ATL2: variants seen among roughly 807,000 people sequenced by gnomAD.
ATL2 encodes the protein atlastin GTPase 2, also known as atlastin-2.
A neutral mutation model predicts 73.9 loss-of-function variants in ATL2; 31 were observed. The ratio of observed to expected loss-of-function variants is 0.42; its 90% confidence interval spans 0.32 to 0.57. The LOEUF (loss-of-function observed/expected upper bound fraction) is 0.57, where lower values mean the gene tolerates loss of function less well. ATL2 is among the 20% of genes least tolerant of loss of function. ATL2 has a pLI of 0.14. For synonymous variants in ATL2, 291 were observed against 237.5 expected (o/e 1.23, Z -2.07); for missense variants, 738 against 702.6 (o/e 1.05, Z -0.57).
chr2:38,331,469 G>A (rs1281382646), intron 2 of ATL2, among the ~76,000 whole-genome samples: 4 of 147,434 alleles, frequency 2.7e-5, no homozygotes, highest in Admixed American at 2.7e-4. Context: ...AATTAGCCGG[G>A]CATGGCAGCG....
Position 38,324,346 on chromosome 2 carries a change from C to T in ATL2, c.364-5327G>A, listed in dbSNP as rs188446637. On this transcript the variant is annotated intron_variant, in intron 2 of 12. Transcript: ENST00000378954. ...CTCCCTAGTTGCATGACATTCCCCA[C>T]ACCACCACAAATGAAAATCTTCATG... Among the ~76,000 whole-genome samples the T allele has an allele frequency of 5.3e-5, 8 of 152,334 alleles. 1 individual carries two copies. The East Asian group carries it at 1.5e-3, about 29-fold the overall frequency.
chr2:38,312,266 G>A (rs1188749169), intron 7 of ATL2, among the ~76,000 whole-genome samples: 1 of 152,158 alleles, frequency 6.6e-6, no homozygotes, highest in Non-Finnish European at 1.5e-5. Context: ...ATGCCCATGT[G>A]TCGGGGGAGG....
intron 2 of ATL2, among the ~76,000 whole-genome samples, chr2:38,330,268 TA>T (rs200313640): frequency 7.0e-6 from 1 of 143,770 alleles, no homozygotes; most frequent in African/African-American, 2.6e-5. Flanking sequence ...AAACTTCAAT[TA>T]AAAAAAAATC....
At chr2:38,349,526 G>A (rs1019396892) in intron 1 of ATL2, among the ~76,000 whole-genome samples, 84 of 108,912 alleles carry the variant, frequency 7.7e-4, no homozygotes, top group African/African-American at 2.8e-3. Flanking sequence ...ACTGTTGTGG[G>A]GTGGGGGGAG....
intron 7 of ATL2, among the ~76,000 whole-genome samples, chr2:38,310,858 C>T (rs1055884753): frequency 6.6e-6 from 1 of 151,918 alleles, no homozygotes; most frequent in Non-Finnish European, 1.5e-5. Context: ...AACTTCCAAC[C>T]TCAGGTAATC....
At chr2:38,334,865 T>TATATA (rs1669217146) in intron 2 of ATL2, among the ~76,000 whole-genome samples, 1 of 136,040 alleles carries the variant, frequency 7.4e-6, no homozygotes, top group Non-Finnish European at 1.6e-5. Context: ...ATTTATATAT[T>TATATA]ATATAATATA....
intron 2 of ATL2, among the ~76,000 whole-genome samples, chr2:38,320,341 G>A (rs191085723): frequency 2.1e-4 from 32 of 152,264 alleles, no homozygotes; most frequent in Admixed American, 4.6e-4. Flanking sequence ...TCAAGTATCT[G>A]CAGTGAAAGG....
intron 2 of ATL2, among the ~76,000 whole-genome samples, chr2:38,323,140 G>A (rs755549537): frequency 2.6e-5 from 4 of 152,048 alleles, no homozygotes; most frequent in Non-Finnish European, 5.9e-5. Context: ...GCTGATAACA[G>A]ACCCTATTTG....
chr2:38,297,073 A>C (rs931335221), intron 12 of ATL2, among the ~76,000 whole-genome samples: 1 of 152,238 alleles, frequency 6.6e-6, no homozygotes, highest in African/African-American at 2.4e-5. Flanking sequence ...TTTAAATAGA[A>C]TAAATATCCA....
At chr2:38,352,648 G>A (rs1274342670) in intron 1 of ATL2, among the ~76,000 whole-genome samples, 6 of 152,208 alleles carry the variant, frequency 3.9e-5, no homozygotes, top group Non-Finnish European at 1.5e-5. Context: ...ACAGGGTTGA[G>A]AGAGAAACAG....
At chr2:38,305,249 C>T (rs1322152038) in intron 9 of ATL2, among the ~76,000 whole-genome samples, 7 of 152,148 alleles carry the variant, frequency 4.6e-5, no homozygotes, top group Non-Finnish European at 1.5e-5. Flanking sequence ...AGAAAGAGGA[C>T]CGGGCGCAGT....
At chr2:38,355,035 T>G (rs1360119990) in intron 1 of ATL2, among the ~76,000 whole-genome samples, 1 of 151,998 alleles carries the variant, frequency 6.6e-6, no homozygotes, top group Admixed American at 6.6e-5. Context: ...CCAACTAAAT[T>G]CAATAATTAC....
At chr2:38,319,765 A>T (rs981413244) in intron 2 of ATL2, among the ~76,000 whole-genome samples, 2 of 152,200 alleles carry the variant, frequency 1.3e-5, no homozygotes, top group Non-Finnish European at 2.9e-5. Context: ...GCTTTCTCAG[A>T]ATAGCTTACA....
At chr2:38,343,535 C>T in intron 1 of ATL2, 23 bp from the exon 2 acceptor site, 1 of 1,593,994 alleles carries the variant, frequency 6.3e-7, no homozygotes, top group South Asian at 1.1e-5. Context: ...AAGAAAGAAA[C>T]TGGTTACTTT....
In ATL2 at chr2:38,374,332, C is replaced by A. The variant is rs923807656; in HGVS notation, c.118+2811G>T. ...AAGTTCAGTTATTCTATGTTCACAT[C>A]TACATTCCTTAAAGTAAATAACTCT... On this transcript the variant is annotated intron_variant, in intron 1 of 12. Coordinates refer to ENST00000378954, the MANE Select transcript of ATL2 (RefSeq NM_001135673.4). Among the ~76,000 whole-genome samples, 4 of 151,470 alleles carry A rather than the reference C, an allele frequency of 2.6e-5. No homozygotes were observed. The South Asian group carries it at 8.3e-4, about 31-fold the overall frequency.
rs775089987 is a variant in ATL2 at position 38,298,558 on chromosome 2, C to T, written c.1218G>A (p.Lys406=). 16 of 1,613,732 alleles carry T rather than the reference C, an allele frequency of 9.9e-6. No homozygotes were observed. The highest frequency in any genetic ancestry group is 1.7e-6 in the Non-Finnish European group (2 of 1,179,808). The change falls in exon 12 of 13, where the codon AAG becomes AAA. Residue 406 remains lysine, a synonymous_variant. Coordinates refer to ENST00000378954, the MANE Select transcript of ATL2 (RefSeq NM_001135673.4). ...KSMEQVCGGD[K]PYIAPSDLER... is the part of the protein sequence containing the mutation. ...CCAGATCTGAAGGTGCAATGTAAGG[C>T]TTGTCCCCTCCACATACCTGGACAG...
intron 5 of ATL2, 137 bp downstream of exon 5, chr2:38,315,147 A>T: frequency 1.2e-6 from 1 of 829,624 alleles, no homozygotes; most frequent in Non-Finnish European, 1.7e-6. Flanking sequence ...GCTACTTGGG[A>T]GGCTGAGGCA....
At chr2:38,305,141 A>G (rs1308949283) in intron 9 of ATL2, among the ~76,000 whole-genome samples, 18 of 152,252 alleles carry the variant, frequency 1.2e-4, no homozygotes, top group Admixed American at 1.2e-3. Context: ...TATAATGATA[A>G]AGGGATCAAT....
Position 38,298,579 on chromosome 2 carries a change from G to A in ATL2, c.1201-4C>T. 1 of 1,608,968 alleles carries A rather than the reference G, an allele frequency of 6.2e-7. No homozygotes were observed. Among genetic ancestry groups the A allele is most frequent in the South Asian group, 1.1e-5 (1 of 90,450 alleles). ...AAGGCTTGTCCCCTCCACATACCTGGACAGACAGAATTACAGTATTACATG... is the reference window on the plus strand; with the variant it reads ...AAGGCTTGTCCCCTCCACATACCTGAACAGACAGAATTACAGTATTACATG... On this transcript the variant is annotated splice_region_variant and splice_polypyrimidine_tract_variant and intron_variant, in intron 11 of 12. Coordinates refer to ENST00000378954, the MANE Select transcript of ATL2 (RefSeq NM_001135673.4).
Sources: gnomAD v4.1 joint callset for allele counts (sites outside exome capture counted in the v4.1 genomes callset) on GRCh38, gnomAD v4.1.1 for gene constraint, MANE v1.5 for transcripts, NCBI Gene and HGNC (gene_info 2026-07-23, HGNC 2026-07-21) for gene names.